Variants in PDE6C observed in about 807,000 individuals in gnomAD.
The protein encoded by PDE6C is phosphodiesterase 6C.
Under a neutral mutation model 113.1 loss-of-function variants are expected in PDE6C, and 75 were observed. The observed-to-expected ratio is 0.66, with a 90% confidence interval of 0.55 to 0.80. PDE6C has a LOEUF of 0.80. Ranked by LOEUF, PDE6C falls within the 30% of genes least tolerant of loss-of-function variation. PDE6C has a pLI of 0.00. For missense variants in PDE6C, 912 were observed against 1,038.6 expected, an observed-to-expected ratio of 0.88 and a Z score of 1.67; for synonymous variants, 375 against 363.7, an observed-to-expected ratio of 1.03 and a Z score of -0.35.
At position 93,633,492 on chromosome 10, in the gene PDE6C, A is replaced by G. The variant is rs143918429; in HGVS notation, c.1120-1266A>G. On this transcript the variant is annotated intron_variant, in intron 8 of 21. Transcript: ENST00000371447. ...AAAAAAAAAAAAAATAAAAAAAAAT[A>G]AACAAGCTAAAACAAATCTGTTACA... Among the ~76,000 whole-genome samples, 6 of 149,590 alleles carry G rather than the reference A, an allele frequency of 4.0e-5. No individual in the cohort carries two copies. The East Asian group carries it at 1.2e-3, about 29-fold the overall frequency.
At chr10:93,615,463 C>G (rs985740401) in intron 1 of PDE6C, among the ~76,000 whole-genome samples, 12 of 152,286 alleles carry the variant, frequency 7.9e-5, no homozygotes, top group African/African-American at 2.9e-4. Context: ...CTCACTGCAA[C>G]CTCTGCCTCC....
chr10:93,654,815 T>C (rs1202870243), intron 15 of PDE6C, among the ~76,000 whole-genome samples: 16 of 143,836 alleles, frequency 1.1e-4, no homozygotes, highest in East Asian at 8.7e-4. Flanking sequence ...TCTTTCTTTT[T>C]TTTTTTTTTT....
At chr10:93,619,088 A>C (rs2058433596) in intron 1 of PDE6C, among the ~76,000 whole-genome samples, 1 of 152,236 alleles carries the variant, frequency 6.6e-6, no homozygotes, top group South Asian at 2.1e-4. Flanking sequence ...GGCTGGGTCT[A>C]AACCCACCGT....
At chr10:93,653,114 C>T (rs187350934) in intron 15 of PDE6C, among the ~76,000 whole-genome samples, 47 of 152,160 alleles carry the variant, frequency 3.1e-4, no homozygotes, top group African/African-American at 1.1e-3. Flanking sequence ...CATCAGTGAA[C>T]AAATAAAGGC....
chr10:93,614,734 G>C (rs1032140994), intron 1 of PDE6C, among the ~76,000 whole-genome samples: 22 of 152,184 alleles, frequency 1.4e-4, no homozygotes, highest in African/African-American at 4.8e-4. Context: ...ATAAGAGCAT[G>C]GAGCTGCTTG....
chr10:93,651,498 C>T (rs1452187377), intron 15 of PDE6C, among the ~76,000 whole-genome samples: 3 of 152,122 alleles, frequency 2.0e-5, no homozygotes, highest in Non-Finnish European at 4.4e-5. Context: ...AAACCATCAA[C>T]TCTTGTGAGA....
Position 93,612,701 on chromosome 10 carries a change from C to G in PDE6C, c.-25C>G. 6.2e-7 allele frequency: 1 copy of G among 1,613,082 alleles called. No homozygotes were observed. The highest frequency in any genetic ancestry group is 1.1e-5 in the South Asian group (1 of 91,026). On this transcript the variant is annotated 5_prime_UTR_variant, in exon 1 of 22. Transcript: ENST00000371447. Reference sequence around the variant, plus strand: ...TGCTCTGAAGGTCGTCCTTTCTGAACAAACGCAGCAAAGCAAGCCACACCA... The same window carrying G: ...TGCTCTGAAGGTCGTCCTTTCTGAAGAAACGCAGCAAAGCAAGCCACACCA...
rs2058673471 is a variant in PDE6C at position 93,663,045 on chromosome 10, C to T, written c.2385C>T (p.His795=). 6.2e-7 allele frequency: 1 copy of T among 1,612,180 alleles called. No homozygotes were observed. The highest frequency in any genetic ancestry group is 8.5e-7 in the Non-Finnish European group (1 of 1,179,438). ...TFVYKEFSRF[H]KEITPMLSGL... is the part of the protein sequence containing the mutation. ...CCTTTTAGGAGTTCTCACGGTTTCA[C>T]AAAGAAATCACACCTATGCTGAGTG... Residue 795 remains histidine, a synonymous_variant, in exon 21 of 22, where the codon CAC becomes CAT. Coordinates refer to ENST00000371447, the MANE Select transcript of PDE6C (RefSeq NM_006204.4).
chr10:93,658,534 C>T (rs558305321), intron 16 of PDE6C, among the ~76,000 whole-genome samples: 1 of 152,216 alleles, frequency 6.6e-6, no homozygotes, highest in East Asian at 1.9e-4. Context: ...TGGTTTAAAA[C>T]TCCCGGCTTC....
chr10:93,613,084 C>T lies in PDE6C; in HGVS notation c.359C>T (p.Thr120Ile), dbSNP rs768420448. ...TCTAGGTTGCTGGATGTCACCCCCA[C>T]CTCCAAGTTTGAGGACAACCTGGTG... ...VASRLLDVTPTSKFEDNLVGP... is the reference protein window; with the variant it reads ...VASRLLDVTPISKFEDNLVGP... Residue 120 changes from threonine (T) to isoleucine (I), a missense_variant, in exon 1 of 22, where the codon ACC (threonine) becomes ATC (isoleucine). Transcript: ENST00000371447. 1.2e-6 allele frequency: 2 copies of T among 1,614,206 alleles called. No homozygotes were observed. The highest frequency in any genetic ancestry group is 1.7e-5 in the Admixed American group (1 of 60,034).
chr10:93,645,145 T>A lies in PDE6C; in HGVS notation c.1848-815T>A, dbSNP rs188310213. Among the ~76,000 whole-genome samples the A allele has an allele frequency of 6.0e-3, 910 of 152,038 alleles. 4 individuals carry two copies. The highest frequency in any genetic ancestry group is 0.024 in the East Asian group (127 of 5,186). On this transcript the variant is annotated intron_variant, in intron 14 of 21. Transcript: ENST00000371447. The stretch of plus-strand genomic sequence containing the variant: ...AGAAACTGGGATTTACTCATTTTTT[T>A]AAAAATCTCTAATGCCAACACAGAG...
chr10:93,656,468 G>A (rs2058638254), intron 16 of PDE6C, among the ~76,000 whole-genome samples: 1 of 152,150 alleles, frequency 6.6e-6, no homozygotes, highest in South Asian at 2.1e-4. Flanking sequence ...AAATGGGTTA[G>A]AACAAGATGA....
Position 93,655,388 on chromosome 10 carries a change from ATTCTTTATTAAAGC to A in PDE6C, c.1936-367_1936-354del, listed in dbSNP as rs536342396. Among the ~76,000 whole-genome samples the A allele has an allele frequency of 1.7e-3, 257 of 152,298 alleles. 1 individual carries two copies. Among genetic ancestry groups the A allele is most frequent in the African/African-American group, 4.2e-3 (176 of 41,576 alleles). On this transcript the variant is annotated intron_variant, in intron 15 of 21. Coordinates refer to ENST00000371447, the MANE Select transcript of PDE6C (RefSeq NM_006204.4). ...TCTGACAGTTGGACTTCTCCCAGAAATTCTTTATTAAAGCTTCTCAATTAATACAAGCACATTTT... is the reference window on the plus strand; with the variant it reads ...TCTGACAGTTGGACTTCTCCCAGAAATTCTCAATTAATACAAGCACATTTT...
intron 1 of PDE6C, among the ~76,000 whole-genome samples, chr10:93,616,026 C>T (rs56187102): frequency 0.028 from 4,329 of 152,246 alleles, 82 homozygotes; most frequent in Middle Eastern, 0.044. Flanking sequence ...AGATTTGCAA[C>T]GGGAAAGGAA....
Position 93,626,680 on chromosome 10 carries a change from GAA to G in PDE6C, c.983_984del (p.Lys328ArgfsTer18). The G allele has an allele frequency of 6.2e-7, 1 of 1,603,492 alleles. No individual in the cohort carries two copies. Among genetic ancestry groups the G allele is most frequent in the Non-Finnish European group, 8.5e-7 (1 of 1,170,412 alleles). On this transcript the variant is annotated frameshift_variant, in exon 6 of 22. Transcript: ENST00000371447. LOFTEE classifies it high-confidence loss of function. ...AAAATCATTGATTACATTTTACATG[GAA>G]AAGAAGAGATCAAAGTGATTCCGTG...
At chr10:93,641,083 T>G in intron 14 of PDE6C, 54 bp downstream of exon 14, 1 of 1,090,896 alleles carries the variant, frequency 9.2e-7, no homozygotes, top group South Asian at 1.2e-5. Flanking sequence ...TGGAAAGTAC[T>G]TAGGGTGAGA....
rs755848807 is a variant in PDE6C at position 93,626,781 on chromosome 10, A to C, written c.1005-24A>C. 19 of 1,611,832 alleles carry C rather than the reference A, an allele frequency of 1.2e-5. No individual in the cohort carries two copies. In the East Asian group the frequency reaches 3.6e-4, roughly 30 times the overall value. On this transcript the variant is annotated intron_variant, in intron 6 of 21. Transcript: ENST00000371447. ...TATTGCATTTCTCTATATTGCAATG[A>C]TTTTTTTTCTTCTCTTCCCCAAGGA... is the stretch of plus-strand genomic sequence containing the variant.
At chr10:93,635,803 G>T (rs1351583581) in intron 10 of PDE6C, among the ~76,000 whole-genome samples, 163 bp downstream of exon 10, 1 of 152,164 alleles carries the variant, frequency 6.6e-6, no homozygotes, top group Non-Finnish European at 1.5e-5. Context: ...ATGGCCCAGT[G>T]TACAGAGACC....
chr10:93,616,049 G>A (rs1453108058), intron 1 of PDE6C, among the ~76,000 whole-genome samples: 1 of 152,178 alleles, frequency 6.6e-6, no homozygotes, highest in African/African-American at 2.4e-5. Context: ...AGAAACCAAT[G>A]TTTCAAATGA....
Sources: allele counts gnomAD v4.1 joint callset (sites outside exome capture counted in the v4.1 genomes callset), GRCh38; gene constraint gnomAD v4.1.1; transcripts MANE v1.5; gene names NCBI Gene and HGNC (gene_info 2026-07-23, HGNC 2026-07-21).